ZNF320: variants seen among roughly 807,000 people sequenced by gnomAD.
The protein encoded by ZNF320 is zinc finger gene 320.
In ZNF320, 2 loss-of-function variants were observed where a neutral mutation model predicts 6.8. The observed-to-expected ratio is 0.29, with a 90% CI of 0.12 to 0.93. ZNF320 has a LOEUF of 0.93. ZNF320 is among the 40% of genes least tolerant of loss of function. ZNF320 has a pLI of 0.55. For synonymous variants in ZNF320, 208 were observed against 203.2 expected (o/e 1.02, Z -0.20); for missense variants, 472 against 611.0 (o/e 0.77, Z 2.40).
At chr19:52,867,050 T>C (rs982053704) in intron 5 of ZNF320, among the ~76,000 whole-genome samples, 4 of 151,678 alleles carry the variant, frequency 2.6e-5, no homozygotes, top group Non-Finnish European at 2.9e-5. Context: ...ACTGGGAAAA[T>C]TGATAAACTG....
At chr19:52,860,033 C>T (rs2063477922), downstream of ZNF320, among the ~76,000 whole-genome samples, 1 of 151,956 alleles carries the variant, frequency 6.6e-6, no homozygotes, top group South Asian at 2.1e-4. Context: ...CTGCCTCAGC[C>T]TCCAGAGTAG....
upstream of ZNF320, among the ~76,000 whole-genome samples, chr19:52,899,598 G>A (rs529196576): frequency 1.3e-5 from 2 of 152,180 alleles, no homozygotes; most frequent in South Asian, 2.1e-4. Flanking sequence ...TAGTAGCTGG[G>A]ACTACAGGTG....
chr19:52,876,783 C>T lies in ZNF320; in HGVS notation c.*3813G>A, dbSNP rs2063778481. Reference sequence around the variant, plus strand: ...AAGTGCTGGGATTACAGGCATGAGCCAGAGCACCTGGTCTATTTTTTTTTT... The same window carrying T: ...AAGTGCTGGGATTACAGGCATGAGCTAGAGCACCTGGTCTATTTTTTTTTT... On this transcript the variant is annotated 3_prime_UTR_variant, in exon 6 of 6. Coordinates refer to ENST00000682928, the MANE Select transcript of ZNF320 (RefSeq NM_001351774.2). 1 of 150,642 alleles carries T rather than the reference C, an allele frequency of 6.6e-6. No individual in the cohort carries two copies. The highest frequency in any genetic ancestry group is 1.5e-5 in the Non-Finnish European group (1 of 67,750). 9.3% of individuals were successfully genotyped at this position (150,642 alleles called of 1,614,324 possible). A position where few individuals can be genotyped will look rare whatever the true frequency, so the allele number is the denominator to read the frequency against.
exon 6 of ZNF320, chr19:52,862,715 G>A: frequency 8.4e-6 from 4 of 475,814 alleles, no homozygotes; most frequent in South Asian, 7.9e-5. Flanking sequence ...TGCAAGGAGT[G>A]AATTGAGCCC....
chr19:52,897,187 C>T (rs1235447104), intron 1 of ZNF320, among the ~76,000 whole-genome samples: 1 of 152,224 alleles, frequency 6.6e-6, no homozygotes, highest in Non-Finnish European at 1.5e-5. Flanking sequence ...AGCAACACCG[C>T]ACAAGGAGGG....
At chr19:52,898,023 T>G (rs1487210101), upstream of ZNF320, among the ~76,000 whole-genome samples, 10 of 152,232 alleles carry the variant, frequency 6.6e-5, no homozygotes, top group Admixed American at 5.2e-4. Flanking sequence ...GAGGCGGTCA[T>G]TGGACCCAGG....
At chr19:52,902,025 T>C (rs13343389), upstream of ZNF320, among the ~76,000 whole-genome samples, 4 of 150,732 alleles carry the variant, frequency 2.7e-5, no homozygotes, top group African/African-American at 4.9e-5. Flanking sequence ...GTTGATGAAA[T>C]ACCAGGGTGA....
At chr19:52,894,568 A>G (rs1216658611) in intron 1 of ZNF320, among the ~76,000 whole-genome samples, 2 of 152,094 alleles carry the variant, frequency 1.3e-5, no homozygotes, top group African/African-American at 4.8e-5. Flanking sequence ...ACACATAGCT[A>G]TAGGTGTTTA....
At chr19:52,890,938 G>C (rs2064269291) in intron 3 of ZNF320, among the ~76,000 whole-genome samples, 1 of 151,258 alleles carries the variant, frequency 6.6e-6, no homozygotes, top group African/African-American at 2.4e-5. Flanking sequence ...ATTACTTGAG[G>C]TCAGGAGTTC....
intron 4 of ZNF320, among the ~76,000 whole-genome samples, chr19:52,889,745 A>AT (rs1203019507): frequency 6.6e-6 from 1 of 152,186 alleles, no homozygotes; most frequent in Non-Finnish European, 1.5e-5. Flanking sequence ...AATTAGTAAG[A>AT]TTTTTTGAGT....
At chr19:52,866,150 G>GATTATACATATATTTATATA (rs1568694238) in intron 5 of ZNF320, among the ~76,000 whole-genome samples, 1 of 15,936 alleles carries the variant, frequency 6.3e-5, no homozygotes, top group East Asian at 6.2e-4. Context: ...ATTTATATAT[G>GATTATACATATATTTATATA]TATGATTATA....
At chr19:52,872,197 G>A (rs2063692141), downstream of ZNF320, among the ~76,000 whole-genome samples, 1 of 152,204 alleles carries the variant, frequency 6.6e-6, no homozygotes, top group African/African-American at 2.4e-5. Context: ...AAAAAAGAAA[G>A]TTTGGAGTCA....
At chr19:52,903,993 A>G in the ZNF320 span, among the ~76,000 whole-genome samples, 2 of 152,182 alleles carry the variant, frequency 1.3e-5, no homozygotes, top group Admixed American at 1.3e-4. Flanking sequence ...GACTAGTCTT[A>G]CTAAGTAAAG....
chr19:52,882,668 G>T (rs1030186317), intron 5 of ZNF320, among the ~76,000 whole-genome samples: 1 of 152,154 alleles, frequency 6.6e-6, no homozygotes, highest in Non-Finnish European at 1.5e-5. Flanking sequence ...AAAGGCAGGG[G>T]GTGGTGGCTC....
chr19:52,875,634 A>G (rs1170195172), downstream of ZNF320, among the ~76,000 whole-genome samples: 1 of 152,160 alleles, frequency 6.6e-6, no homozygotes, highest in Non-Finnish European at 1.5e-5. Context: ...ACAAAAAATT[A>G]GCCAGGCGTG....
At chr19:52,870,181 A>T (rs1781475188) in intron 5 of ZNF320, among the ~76,000 whole-genome samples, 1 of 152,024 alleles carries the variant, frequency 6.6e-6, no homozygotes, top group South Asian at 2.1e-4. Flanking sequence ...GTTGATGACA[A>T]TGAAAAATAC....
intron 5 of ZNF320, among the ~76,000 whole-genome samples, chr19:52,882,446 G>A (rs1437483582): frequency 6.6e-6 from 1 of 152,160 alleles, no homozygotes; most frequent in Non-Finnish European, 1.5e-5. Flanking sequence ...AAAATCAATG[G>A]AAATTCTGTA....
At chr19:52,882,200 T>C (rs1363300878) in intron 5 of ZNF320, among the ~76,000 whole-genome samples, 1 of 152,180 alleles carries the variant, frequency 6.6e-6, no homozygotes, top group East Asian at 1.9e-4. Flanking sequence ...TCCAATATCA[T>C]GACAAAACAC....
chr19:52,887,491 T>C (rs571975640), intron 5 of ZNF320, among the ~76,000 whole-genome samples: 103 of 152,322 alleles, frequency 6.8e-4, no homozygotes, highest in African/African-American at 2.4e-3. Context: ...CACTGTAATA[T>C]GTAATATGTG....
Sources: gnomAD v4.1 joint callset for allele counts (sites outside exome capture counted in the v4.1 genomes callset) on GRCh38, gnomAD v4.1.1 for gene constraint, MANE v1.5 for transcripts, NCBI Gene and HGNC (gene_info 2026-07-23, HGNC 2026-07-21) for gene names.